The following TRAF3IP3 variants were observed in gnomAD, a reference collection of about 807,000 sequenced individuals.
The protein encoded by TRAF3IP3 is TRAF3-interacting JNK-activating modulator.
Under a neutral mutation model 86.5 loss-of-function variants are expected in TRAF3IP3, and 64 were observed. That is an observed-to-expected ratio of 0.74 (90% confidence interval 0.60 to 0.91). The LOEUF is 0.91. Ranked by LOEUF, TRAF3IP3 falls within the 40% of genes least tolerant of loss-of-function variation. TRAF3IP3 has a pLI of 0.00. For missense variants in TRAF3IP3, 579 were observed against 642.9 expected (o/e 0.90, Z 1.07); for synonymous variants, 220 against 243.9 (o/e 0.90, Z 0.91).
At chr1:209,764,717 C>G (rs1006393210) in intron 8 of TRAF3IP3, among the ~76,000 whole-genome samples, 5 of 140,566 alleles carry the variant, frequency 3.6e-5, no homozygotes, top group African/African-American at 1.4e-4. Context: ...GCACTCCAGC[C>G]TGGACAAAAG....
Position 209,767,931 on chromosome 1 carries a change from C to T in TRAF3IP3, c.702+4344C>T, listed in dbSNP as rs114292508. Among the ~76,000 whole-genome samples the T allele has an allele frequency of 5.7e-3, 860 of 152,134 alleles. 9 individuals carry two copies. The highest frequency in any genetic ancestry group is 0.019 in the African/African-American group (791 of 41,492). On this transcript the variant is annotated intron_variant, in intron 8 of 16. Transcript: ENST00000367025. ...AAGTTCCCTTGGTTGTGGTTTCCTCCCTCCCTTCTTCTCACCCCTCCCAAT... is the reference window on the plus strand; with the variant it reads ...AAGTTCCCTTGGTTGTGGTTTCCTCTCTCCCTTCTTCTCACCCCTCCCAAT...
chr1:209,779,682 G>C, intron 14 of TRAF3IP3: 1 of 599,110 alleles, frequency 1.7e-6, no homozygotes, highest in Non-Finnish European at 3.0e-6. Flanking sequence ...TTACACACTT[G>C]ATTTTCCAAA....
At chr1:209,759,938 A>G (rs2077216273) in intron 2 of TRAF3IP3, 44 bp from the exon 3 acceptor site, 1 of 955,714 alleles carries the variant, frequency 1.0e-6, no homozygotes, top group East Asian at 2.4e-5. Context: ...TTTTCTGCCC[A>G]TCTTCTGACC....
At chr1:209,775,249 C>T in intron 9 of TRAF3IP3, 100 bp from the exon 10 acceptor site, 3 of 1,178,104 alleles carry the variant, frequency 2.5e-6, no homozygotes, top group Non-Finnish European at 2.4e-6. Context: ...GGTATCTCTG[C>T]CTGGGGGAAG....
At chr1:209,779,240 T>C (rs777615372) in intron 13 of TRAF3IP3, 75 bp from the exon 14 acceptor site, 487 of 1,253,384 alleles carry the variant, frequency 3.9e-4, no homozygotes, top group Non-Finnish European at 5.0e-4. Context: ...ACCAAGGTTC[T>C]AAGCAAAGTT....
intron 9 of TRAF3IP3, among the ~76,000 whole-genome samples, chr1:209,773,664 G>A (rs963547210): frequency 6.6e-6 from 1 of 152,218 alleles, no homozygotes; most frequent in African/African-American, 2.4e-5. Flanking sequence ...CCCATCTGGA[G>A]TTAGAGAGAG....
chr1:209,779,103 CTTGA>C (rs1431540466), intron 13 of TRAF3IP3: 1 of 589,098 alleles, frequency 1.7e-6, no homozygotes, highest in Non-Finnish European at 3.0e-6. Context: ...CCCATTTTAA[CTTGA>C]TTATCTTTTA....
chr1:209,761,587 A>T (rs2077245651), intron 3 of TRAF3IP3, among the ~76,000 whole-genome samples: 1 of 141,038 alleles, frequency 7.1e-6, no homozygotes, highest in South Asian at 2.1e-4. Context: ...AAAGAAAAGG[A>T]ACTGTATACT....
Position 209,762,552 on chromosome 1 carries a change from A to ATCC in TRAF3IP3, c.390_392dup (p.Pro131dup). 1 of 1,483,092 alleles carries ATCC rather than the reference A, an allele frequency of 6.7e-7. No homozygotes were observed. The highest frequency in any genetic ancestry group is 2.3e-5 in the East Asian group (1 of 42,952). The allele number at this position is 1,483,092 out of a possible 1,614,324, so 91.9% of individuals were successfully genotyped here. ...AGCTCTGAAGTCTTTCCAGCCCAGCATCCTCCTCCCTCAGGCATCTGCAGG... is the reference window on the plus strand; with the variant it reads ...AGCTCTGAAGTCTTTCCAGCCCAGCATCCTCCTCCTCCCTCAGGCATCTGCAGG... On this transcript the variant is annotated inframe_insertion, in exon 4 of 17. Transcript: ENST00000367025.
At chr1:209,781,953 C>A in intron 16 of TRAF3IP3, 103 bp from the exon 17 acceptor site, 1 of 914,464 alleles carries the variant, frequency 1.1e-6, no homozygotes, top group Non-Finnish European at 1.8e-6. Flanking sequence ...ACCACCAACC[C>A]AGCGTTTTCC....
intron 8 of TRAF3IP3, chr1:209,768,659 A>G: frequency 6.1e-6 from 6 of 985,628 alleles, no homozygotes; most frequent in Non-Finnish European, 7.2e-6. Context: ...GACCGGCACC[A>G]GGTGTGTATG....
chr1:209,760,139 C>A lies in TRAF3IP3; in HGVS notation c.100C>A (p.Arg34Ser), dbSNP rs767332069. 4 of 1,614,220 alleles carry A rather than the reference C, an allele frequency of 2.5e-6. No individual in the cohort carries two copies. Among genetic ancestry groups the A allele is most frequent in the Non-Finnish European group, 3.4e-6 (4 of 1,180,044 alleles). ...ERRQEIRESR[R>S]CRPNVTTCRQ... ...CAGGCAAGAGATCCGTGAAAGCCGC[C>A]GCTGCCGTCCCAATGTGACCACTTG... Residue 34 changes from arginine to serine, a missense_variant, in exon 3 of 17, where the codon CGC becomes AGC. Physicochemically the swap from Arg to Ser is moderately radical, Grantham distance 110. Transcript: ENST00000367025.
chr1:209,762,535 A>C lies in TRAF3IP3; in HGVS notation c.366A>C (p.Glu122Asp), dbSNP rs778672026. 23 of 1,471,244 alleles carry C rather than the reference A, an allele frequency of 1.6e-5. No homozygotes were observed. Among genetic ancestry groups the C allele is most frequent in the Non-Finnish European group, 2.0e-5 (22 of 1,110,566 alleles). 91.1% of individuals were successfully genotyped at this position (1,471,244 alleles called of 1,614,324 possible). ...PREQVTGTSS[E>D]VFPAQHPPPS... ...TCCAGGTGACAGGCACCAGCTCTGAAGTCTTTCCAGCCCAGCATCCTCCTC... is the reference window on the plus strand; with the variant it reads ...TCCAGGTGACAGGCACCAGCTCTGACGTCTTTCCAGCCCAGCATCCTCCTC... The change falls in exon 4 of 17, where the codon GAA (glutamate) becomes GAC (aspartate). Residue 122 changes from glutamate to aspartate, a missense_variant. Glu to Asp is a conservative substitution (Grantham distance 45). Coordinates refer to ENST00000367025, the MANE Select transcript of TRAF3IP3 (RefSeq NM_025228.4).
intron 13 of TRAF3IP3, 84 bp downstream of exon 13, chr1:209,778,257 G>A (rs12083685): frequency 0.052 from 58,862 of 1,128,674 alleles, 5,691 homozygotes; most frequent in East Asian, 0.33. Flanking sequence ...TAGGGACTAA[G>A]GGCCCAGTCT....
chr1:209,768,040 G>A (rs2077390726), intron 8 of TRAF3IP3: 10 of 743,456 alleles, frequency 1.3e-5, no homozygotes, highest in Non-Finnish European at 1.6e-5. Context: ...GACTTTTTCA[G>A]TTAACAGCTA....
chr1:209,766,819 G>A (rs1295984975), intron 8 of TRAF3IP3, among the ~76,000 whole-genome samples: 1 of 152,214 alleles, frequency 6.6e-6, no homozygotes, highest in Non-Finnish European at 1.5e-5. Context: ...AGCTGAGATT[G>A]TGCCACTGCA....
At chr1:209,768,790 G>C (rs777029503) in intron 8 of TRAF3IP3, 7 of 699,328 alleles carry the variant, frequency 1.0e-5, no homozygotes, top group Non-Finnish European at 1.2e-5. Context: ...CCCACATACT[G>C]TAACACTGGG....
chr1:209,764,930 T>C (rs1444135794), intron 8 of TRAF3IP3, among the ~76,000 whole-genome samples: 2 of 151,872 alleles, frequency 1.3e-5, no homozygotes, highest in Admixed American at 6.6e-5. Flanking sequence ...ATCCCAGCAC[T>C]TTGGAAGGCT....
rs1211587183 is a variant in TRAF3IP3, at chr1:209,763,486, C to A, written c.607-6C>A. The stretch of plus-strand genomic sequence containing the variant: ...ACCCTCTTGCACTTTGTGCCCGCAC[C>A]CCCAGGAGGCCCTACAAAGGGAGCT... On this transcript the variant is annotated splice_polypyrimidine_tract_variant and splice_region_variant and intron_variant, in intron 7 of 16. Transcript: ENST00000367025. The A allele has an allele frequency of 5.6e-6, 9 of 1,614,038 alleles. No individual in the cohort carries two copies. Among genetic ancestry groups the A allele is most frequent in the Non-Finnish European group, 7.6e-6 (9 of 1,179,906 alleles).
Sources: allele counts gnomAD v4.1 joint callset (sites outside exome capture counted in the v4.1 genomes callset), GRCh38; gene constraint gnomAD v4.1.1; transcripts MANE v1.5; gene names NCBI Gene and HGNC (gene_info 2026-07-23, HGNC 2026-07-21).